The following TBC1D5 variants were observed in gnomAD, a reference collection of about 807,000 sequenced individuals.
TBC1D5 encodes the protein TBC1 domain family member 5.
A neutral mutation model predicts 100.3 loss-of-function variants in TBC1D5; 75 were observed. That is an observed-to-expected ratio of 0.75 (90% CI 0.62 to 0.91). The LOEUF (loss-of-function observed/expected upper bound fraction) is 0.91, where lower values mean the gene tolerates loss of function less well. Ranked by LOEUF, TBC1D5 falls within the 40% of genes least tolerant of loss-of-function variation. TBC1D5 has a pLI of 0.00. For synonymous variants in TBC1D5, 323 were observed against 325.6 expected, an observed-to-expected ratio of 0.99 and a Z score of 0.09; for missense variants, 910 against 942.4, an observed-to-expected ratio of 0.97 and a Z score of 0.45.
intron 18 of TBC1D5, among the ~76,000 whole-genome samples, chr3:17,188,998 G>A (rs1381940414): frequency 6.6e-6 from 1 of 152,158 alleles, no homozygotes; most frequent in Non-Finnish European, 1.5e-5. Context: ...GGGAACAAAG[G>A]AATGCTGAAA....
intron 3 of TBC1D5, among the ~76,000 whole-genome samples, chr3:17,437,758 A>G (rs2094564743): frequency 6.6e-6 from 1 of 152,058 alleles, no homozygotes; most frequent in South Asian, 2.1e-4. Context: ...TTTGTGGGTG[A>G]GGCCTAGAAC....
intron 2 of TBC1D5, among the ~76,000 whole-genome samples, chr3:17,574,186 C>T (rs2096644011): frequency 6.6e-6 from 1 of 152,010 alleles, no homozygotes; most frequent in South Asian, 2.1e-4. Flanking sequence ...AAAGACCAAT[C>T]AGCTAACACT....
intron 2 of TBC1D5, among the ~76,000 whole-genome samples, chr3:17,577,088 G>A (rs963186820): frequency 4.0e-5 from 6 of 151,890 alleles, no homozygotes; most frequent in African/African-American, 1.4e-4. Context: ...AAGAGTAAAA[G>A]GCTATTATAT....
intron 2 of TBC1D5, among the ~76,000 whole-genome samples, chr3:17,584,055 A>C (rs2153542655): frequency 6.6e-6 from 1 of 152,354 alleles, no homozygotes; most frequent in South Asian, 2.1e-4. Context: ...AAAAATTTGA[A>C]ATATTATGTT....
intron 19 of TBC1D5, among the ~76,000 whole-genome samples, chr3:17,173,572 G>A (rs946537504): frequency 6.6e-6 from 1 of 152,174 alleles, no homozygotes; most frequent in Non-Finnish European, 1.5e-5. Flanking sequence ...TCAGAAGGTT[G>A]CTGAGAGGAT....
rs1442768935 is a variant in TBC1D5, at chr3:17,554,736, C to G, written c.-35-46131G>C. ...GCATGCAGAATTTGGATACTAAAAA[C>G]CACATCTACTTTCTCCCTAAAATCT... On this transcript the variant is annotated intron_variant, in intron 2 of 21. Transcript: ENST00000253692. Among the ~76,000 whole-genome samples, 4 of 152,202 alleles carry G rather than the reference C, an allele frequency of 2.6e-5. No individual in the cohort carries two copies. The East Asian group carries it at 7.7e-4, about 29-fold the overall frequency.
At chr3:17,271,292 G>C (rs1435815400) in intron 15 of TBC1D5, among the ~76,000 whole-genome samples, 1 of 151,872 alleles carries the variant, frequency 6.6e-6, no homozygotes, top group Non-Finnish European at 1.5e-5. Context: ...GATTTCTTTC[G>C]GCAGTGTTTT....
At chr3:17,534,972 T>C (rs1238975528) in intron 2 of TBC1D5, among the ~76,000 whole-genome samples, 1 of 152,174 alleles carries the variant, frequency 6.6e-6, no homozygotes, top group Non-Finnish European at 1.5e-5. Context: ...ACTATTTCTA[T>C]TTTTTATCCA....
At chr3:17,680,018 T>C (rs1360134075) in intron 1 of TBC1D5, among the ~76,000 whole-genome samples, 2 of 151,430 alleles carry the variant, frequency 1.3e-5, no homozygotes, top group Non-Finnish European at 2.9e-5. Context: ...TGAAAACTCT[T>C]AGTCTAAAAG....
In TBC1D5 at chr3:17,633,547, A is replaced by T. The variant is rs184350056; in HGVS notation, c.-100-9634T>A. On this transcript the variant is annotated intron_variant, in intron 1 of 21. Transcript: ENST00000253692. ...AACTTAAGACTCTAAGATGAAAAAA[A>T]AATAATAATGCTGTTAATCATTGAG... Among the ~76,000 whole-genome samples the T allele has an allele frequency of 1.1e-3, 160 of 152,322 alleles. 2 individuals carry two copies. In the South Asian group the frequency reaches 0.018, roughly 17 times the overall value.
chr3:17,228,879 T>C (rs1033819671), intron 17 of TBC1D5, among the ~76,000 whole-genome samples: 1 of 152,082 alleles, frequency 6.6e-6, no homozygotes, highest in Non-Finnish European at 1.5e-5. Flanking sequence ...ATGAGCTTCA[T>C]AGGCATCAGT....
chr3:17,244,410 T>C (rs2076555507), intron 16 of TBC1D5, among the ~76,000 whole-genome samples: 2 of 152,214 alleles, frequency 1.3e-5, no homozygotes, highest in African/African-American at 4.8e-5. Flanking sequence ...CATCTCCAAA[T>C]GAAGGTGCCT....
chr3:17,242,791 C>A (rs1007085090), intron 16 of TBC1D5, among the ~76,000 whole-genome samples: 1 of 151,790 alleles, frequency 6.6e-6, no homozygotes, highest in Admixed American at 6.6e-5. Context: ...TTTTTCAAAA[C>A]GACTATGGAA....
Position 17,368,353 on chromosome 3 carries a change from A to G in TBC1D5, c.995+3722T>C, listed in dbSNP as rs1207054253. On this transcript the variant is annotated intron_variant, in intron 13 of 21. Coordinates refer to ENST00000253692, the Ensembl canonical transcript of TBC1D5. The stretch of plus-strand genomic sequence containing the variant: ...CAGCAAGTGTACATACTTAGGGCAC[A>G]TCTCCCACCTCAGGAGATATTAACA... 2.6e-5 allele frequency among the ~76,000 whole-genome samples: 4 copies of G among 152,138 alleles called. No homozygotes were observed. In the East Asian group the frequency reaches 7.7e-4, roughly 29 times the overall value.
intron 18 of TBC1D5, among the ~76,000 whole-genome samples, chr3:17,202,269 C>G (rs1255901412): frequency 6.6e-6 from 1 of 152,186 alleles, no homozygotes; most frequent in African/African-American, 2.4e-5. Context: ...TTTAGGGTAT[C>G]TGGTGGAAGA....
At chr3:17,643,729 G>A (rs185947692) in intron 1 of TBC1D5, among the ~76,000 whole-genome samples, 44 of 152,192 alleles carry the variant, frequency 2.9e-4, no homozygotes, top group African/African-American at 1.0e-3. Flanking sequence ...CCGATGTCTA[G>A]CAGTTCCTTT....
chr3:17,276,162 C>T (rs921056803), intron 15 of TBC1D5, among the ~76,000 whole-genome samples: 1 of 152,130 alleles, frequency 6.6e-6, no homozygotes, highest in African/African-American at 2.4e-5. Context: ...CTGGTAAGGG[C>T]TCATTCCTCG....
intron 13 of TBC1D5, among the ~76,000 whole-genome samples, chr3:17,311,739 A>G (rs1175339812): frequency 6.6e-6 from 1 of 152,088 alleles, no homozygotes; most frequent in Non-Finnish European, 1.5e-5. Context: ...AGATATGGGC[A>G]TAGTAACCTT....
At chr3:17,687,749 C>T (rs2070521638) in intron 1 of TBC1D5, among the ~76,000 whole-genome samples, 2 of 152,194 alleles carry the variant, frequency 1.3e-5, no homozygotes, top group Admixed American at 6.5e-5. Context: ...CCTCCCTATT[C>T]TCTTATCTCA....
Sources: allele counts gnomAD v4.1 joint callset (sites outside exome capture counted in the v4.1 genomes callset), GRCh38; gene constraint gnomAD v4.1.1; transcripts MANE v1.5; gene names NCBI Gene and HGNC (gene_info 2026-07-23, HGNC 2026-07-21).